Variants in ARHGEF3 observed in about 807,000 individuals in gnomAD.
ARHGEF3 encodes the protein 59.8 kDA protein.
Under a neutral mutation model 63.2 loss-of-function variants are expected in ARHGEF3, and 28 were observed. The ratio of observed to expected loss-of-function variants is 0.44; its 90% CI spans 0.33 to 0.61. The LOEUF (loss-of-function observed/expected upper bound fraction) is 0.61, where lower values mean the gene tolerates loss of function less well. Ranked by LOEUF, ARHGEF3 falls within the 20% of genes least tolerant of loss-of-function variation. The pLI, the probability that ARHGEF3 is intolerant of heterozygous loss-of-function variation, is 0.03. For synonymous variants in ARHGEF3, 266 were observed against 254.2 expected (o/e 1.05, Z -0.44); for missense variants, 533 against 659.3 (o/e 0.81, Z 2.10).
chr3:56,993,411 G>C (rs1352082356), intron 2 of ARHGEF3, among the ~76,000 whole-genome samples: 2 of 152,088 alleles, frequency 1.3e-5, no homozygotes, highest in Admixed American at 6.5e-5. Flanking sequence ...GTCTCACTCT[G>C]TTGCCCAGGC....
intron 4 of ARHGEF3, among the ~76,000 whole-genome samples, chr3:56,868,381 CAG>C (rs2040327439): frequency 6.9e-6 from 1 of 144,608 alleles, no homozygotes; most frequent in Non-Finnish European, 1.5e-5. Flanking sequence ...TTTTTCGAGA[CAG>C]AGTCTCGCTC....
At chr3:56,787,869 C>T (rs1049120867) in intron 1 of ARHGEF3, among the ~76,000 whole-genome samples, 2 of 152,130 alleles carry the variant, frequency 1.3e-5, no homozygotes, top group Non-Finnish European at 2.9e-5. Flanking sequence ...GACTCAGAGG[C>T]GTTAAGGGCC....
chr3:56,974,744 C>T (rs1310090125), intron 2 of ARHGEF3, among the ~76,000 whole-genome samples: 1 of 152,172 alleles, frequency 6.6e-6, no homozygotes, highest in Admixed American at 6.5e-5. Flanking sequence ...AGGAAATCCA[C>T]ATCCTGCACC....
chr3:57,029,047 C>A (rs1347335484), intron 2 of ARHGEF3, among the ~76,000 whole-genome samples: 1 of 150,982 alleles, frequency 6.6e-6, no homozygotes, highest in Non-Finnish European at 1.5e-5. Flanking sequence ...GTTGAGGGAC[C>A]AGATCTGGGG....
At chr3:57,049,756 G>A (rs558446093) in intron 1 of ARHGEF3, among the ~76,000 whole-genome samples, 1 of 152,336 alleles carries the variant, frequency 6.6e-6, no homozygotes, top group East Asian at 1.9e-4. Flanking sequence ...AGAGAAACTA[G>A]CTCTGGGGGA....
intron 4 of ARHGEF3, among the ~76,000 whole-genome samples, chr3:56,878,466 T>G (rs1478438322): frequency 3.3e-5 from 5 of 152,190 alleles, no homozygotes; most frequent in African/African-American, 7.2e-5. Context: ...TGACCGATTA[T>G]ATCATCAACT....
At chr3:56,943,131 A>T (rs1578901875) in intron 3 of ARHGEF3, among the ~76,000 whole-genome samples, 1 of 151,780 alleles carries the variant, frequency 6.6e-6, no homozygotes, top group Non-Finnish European at 1.5e-5. Flanking sequence ...ACAGATTTTC[A>T]ATGTAGATGA....
intron 3 of ARHGEF3, among the ~76,000 whole-genome samples, chr3:56,949,974 C>T (rs1699719799): frequency 1.3e-5 from 2 of 152,076 alleles, no homozygotes; most frequent in African/African-American, 2.4e-5. Flanking sequence ...AGAAATAATG[C>T]CGCATATCTA....
intron 3 of ARHGEF3, among the ~76,000 whole-genome samples, chr3:56,928,133 C>T (rs747647241): frequency 6.6e-6 from 1 of 152,122 alleles, no homozygotes; most frequent in Non-Finnish European, 1.5e-5. Flanking sequence ...CTGGAATCAC[C>T]CTTTAAGAAG....
At chr3:56,766,024 G>GT (rs920726368) in intron 2 of ARHGEF3, among the ~76,000 whole-genome samples, 1 of 151,702 alleles carries the variant, frequency 6.6e-6, no homozygotes, top group Non-Finnish European at 1.5e-5. Context: ...GACGTTCCTG[G>GT]TTTTTTTTCC....
intron 4 of ARHGEF3, among the ~76,000 whole-genome samples, chr3:56,865,639 T>A (rs987864133): frequency 6.6e-6 from 1 of 152,168 alleles, no homozygotes. Flanking sequence ...GCTAGTGAGG[T>A]GTGATCTGTG....
intron 2 of ARHGEF3, among the ~76,000 whole-genome samples, chr3:57,033,960 G>A (rs1427273757): frequency 2.6e-5 from 4 of 151,942 alleles, no homozygotes; most frequent in Non-Finnish European, 4.4e-5. Context: ...CAGGAGAATC[G>A]TTTGAACCCA....
intron 2 of ARHGEF3, among the ~76,000 whole-genome samples, chr3:56,968,245 TTA>T (rs1193957643): frequency 0.031 from 1,324 of 42,124 alleles, 137 homozygotes; most frequent in Non-Finnish European, 0.049. Flanking sequence ...AATATATATA[TTA>T]ATATATAATA....
chr3:57,071,555 G>A (rs1421842312), intron 1 of ARHGEF3, among the ~76,000 whole-genome samples: 1 of 151,750 alleles, frequency 6.6e-6, no homozygotes, highest in Non-Finnish European at 1.5e-5. Flanking sequence ...AGCTACTTGA[G>A]AGGCTGAGGC....
intron 3 of ARHGEF3, among the ~76,000 whole-genome samples, chr3:56,945,807 T>C (rs1699460218): frequency 6.6e-6 from 1 of 152,124 alleles, no homozygotes. Flanking sequence ...CAGCTGGAGA[T>C]CTGAGAATGG....
intron 3 of ARHGEF3, among the ~76,000 whole-genome samples, chr3:56,894,100 G>A (rs549198495): frequency 1.8e-4 from 27 of 152,220 alleles, no homozygotes; most frequent in African/African-American, 6.3e-4. Context: ...AGAAATGCCG[G>A]AGAATTAATG....
intron 1 of ARHGEF3, chr3:57,078,418 C>G (rs374832594): frequency 4.9e-4 from 75 of 152,378 alleles, no homozygotes; most frequent in African/African-American, 1.8e-3. Flanking sequence ...ACAAGGCGCT[C>G]TGTTTCCGCA....
intron 3 of ARHGEF3, among the ~76,000 whole-genome samples, chr3:56,893,770 C>T (rs2041200903): frequency 7.3e-6 from 1 of 136,874 alleles, no homozygotes; most frequent in Admixed American, 8.0e-5. Flanking sequence ...CGCACCACTG[C>T]ACTCCAGCCT....
chr3:57,070,114 G>A (rs1705802501), intron 1 of ARHGEF3, among the ~76,000 whole-genome samples: 1 of 152,146 alleles, frequency 6.6e-6, no homozygotes, highest in Admixed American at 6.5e-5. Context: ...AGATAAAATG[G>A]AGCCTGGCTT....
Sources: gnomAD v4.1 joint callset for allele counts (sites outside exome capture counted in the v4.1 genomes callset) on GRCh38, gnomAD v4.1.1 for gene constraint, MANE v1.5 for transcripts, NCBI Gene and HGNC (gene_info 2026-07-23, HGNC 2026-07-21) for gene names.